IMPG1: variants seen among roughly 807,000 people sequenced by gnomAD.
IMPG1 encodes interphotoreceptor matrix proteoglycan 1.
In IMPG1, 85 loss-of-function variants were observed where a neutral mutation model predicts 92.0. The observed-to-expected ratio is 0.92, with a 90% CI of 0.78 to 1.11. IMPG1 has a LOEUF of 1.11. Among genes scored for constraint, IMPG1 ranks in the 50% least tolerant of loss-of-function variants. IMPG1 has a pLI of 0.00. For synonymous variants in IMPG1, 367 were observed against 334.1 expected (o/e 1.10, Z -1.08); for missense variants, 1,022 against 956.0 (o/e 1.07, Z -0.91).
chr6:76,021,936 C>T (rs1289816400), intron 6 of IMPG1, among the ~76,000 whole-genome samples, 180 bp downstream of exon 6: 1 of 151,462 alleles, frequency 6.6e-6, no homozygotes, highest in African/African-American at 2.4e-5. Flanking sequence ...TGCTTCCCCC[C>T]TCAGTACCTA....
At chr6:75,930,011 T>C (rs796547934) in intron 15 of IMPG1, among the ~76,000 whole-genome samples, 43 of 152,360 alleles carry the variant, frequency 2.8e-4, no homozygotes, top group African/African-American at 8.9e-4. Flanking sequence ...TTTGTCTTTA[T>C]TAATACATGT....
intron 4 of IMPG1, among the ~76,000 whole-genome samples, chr6:76,026,739 T>C (rs777740605): frequency 6.6e-6 from 1 of 152,226 alleles, no homozygotes; most frequent in Non-Finnish European, 1.5e-5. Context: ...CTCCACCCTG[T>C]CTGCAGTTAA....
At chr6:75,986,607 C>G (rs527465155) in intron 12 of IMPG1, among the ~76,000 whole-genome samples, 2 of 152,162 alleles carry the variant, frequency 1.3e-5, no homozygotes, top group South Asian at 4.1e-4. Context: ...TATAACTTGT[C>G]CTTATCAAGC....
intron 12 of IMPG1, among the ~76,000 whole-genome samples, chr6:75,956,101 G>A (rs1782115458): frequency 6.6e-6 from 1 of 152,124 alleles, no homozygotes; most frequent in East Asian, 1.9e-4. Context: ...TCAGGATGAT[G>A]CTAGCCTCAT....
intron 15 of IMPG1, among the ~76,000 whole-genome samples, chr6:75,929,495 A>G (rs1343789021): frequency 1.4e-5 from 2 of 146,156 alleles, no homozygotes; most frequent in Non-Finnish European, 3.0e-5. Context: ...TGGGAATTGA[A>G]CAATGAGAAC....
chr6:76,034,219 TA>T (rs1783696717), intron 4 of IMPG1, 95 bp downstream of exon 4: 1 of 1,174,506 alleles, frequency 8.5e-7, no homozygotes, highest in Non-Finnish European at 1.3e-6. Flanking sequence ...GTGGCTGACA[TA>T]AAATCCTACA....
intron 12 of IMPG1, among the ~76,000 whole-genome samples, chr6:75,987,778 G>A (rs1782743257): frequency 6.6e-6 from 1 of 151,716 alleles, no homozygotes; most frequent in Non-Finnish European, 1.5e-5. Context: ...CCGAGTAGCC[G>A]GGACTGCAGG....
intron 12 of IMPG1, among the ~76,000 whole-genome samples, chr6:75,963,771 A>G (rs1410030914): frequency 1.3e-5 from 2 of 152,192 alleles, no homozygotes; most frequent in Non-Finnish European, 2.9e-5. Flanking sequence ...CCTCATTTCC[A>G]GTAGCAGTAC....
intron 12 of IMPG1, among the ~76,000 whole-genome samples, chr6:75,993,215 A>G (rs1452871732): frequency 2.6e-5 from 4 of 152,104 alleles, no homozygotes; most frequent in African/African-American, 9.7e-5. Context: ...TTACCCCCAA[A>G]TTTAGGCCTC....
intron 12 of IMPG1, among the ~76,000 whole-genome samples, chr6:76,000,283 A>G (rs1318491169): frequency 6.6e-6 from 1 of 152,256 alleles, no homozygotes; most frequent in Non-Finnish European, 1.5e-5. Context: ...TGTGAAACTT[A>G]TAACACATAA....
intron 1 of IMPG1, among the ~76,000 whole-genome samples, chr6:76,046,678 C>T (rs74805605): frequency 0.011 from 1,599 of 152,182 alleles, 33 homozygotes; most frequent in African/African-American, 0.037. Flanking sequence ...AGTTTCTTCA[C>T]CTATAAAATG....
chr6:75,995,927 A>G (rs2149474684), intron 12 of IMPG1, among the ~76,000 whole-genome samples: 1 of 152,378 alleles, frequency 6.6e-6, no homozygotes, highest in African/African-American at 2.4e-5. Flanking sequence ...CATAAAGTAT[A>G]TCTGCCTTGT....
intron 12 of IMPG1, among the ~76,000 whole-genome samples, chr6:75,964,689 A>G (rs1782273857): frequency 6.6e-6 from 1 of 151,712 alleles, no homozygotes; most frequent in Non-Finnish European, 1.5e-5. Flanking sequence ...AAAAAAAAAA[A>G]AAAAAGAGAG....
intron 2 of IMPG1, among the ~76,000 whole-genome samples, chr6:76,037,166 T>C (rs1221849219): frequency 2.0e-5 from 3 of 152,176 alleles, no homozygotes; most frequent in Non-Finnish European, 4.4e-5. Flanking sequence ...ACGAGACCAA[T>C]CTGGAGACTC....
chr6:75,928,283 T>A (rs1023267730), intron 15 of IMPG1, among the ~76,000 whole-genome samples: 1 of 151,680 alleles, frequency 6.6e-6, no homozygotes, highest in South Asian at 2.1e-4. Context: ...CACTGCAACC[T>A]CCACCTCCTG....
chr6:76,049,793 A>G (rs768243661), intron 1 of IMPG1, among the ~76,000 whole-genome samples: 14 of 152,188 alleles, frequency 9.2e-5, no homozygotes, highest in Non-Finnish European at 7.3e-5. Flanking sequence ...GGTAGAAAGT[A>G]TTTAGGGGGG....
intron 1 of IMPG1, among the ~76,000 whole-genome samples, chr6:76,053,169 G>A (rs1264540681): frequency 6.6e-6 from 1 of 152,170 alleles, no homozygotes; most frequent in Non-Finnish European, 1.5e-5. Context: ...GTTTCAGAAT[G>A]TGGAGTTTAA....
At chr6:76,063,447 T>G (rs1784244209) in intron 1 of IMPG1, among the ~76,000 whole-genome samples, 1 of 151,946 alleles carries the variant, frequency 6.6e-6, no homozygotes. Flanking sequence ...AGCGGGAGTG[T>G]TTTTGTTTCT....
intron 12 of IMPG1, among the ~76,000 whole-genome samples, chr6:76,000,438 A>G (rs150557670): frequency 8.5e-5 from 13 of 152,160 alleles, no homozygotes; most frequent in African/African-American, 2.9e-4. Flanking sequence ...TTTTCTTTCC[A>G]TTCTTTAAAA....
Sources: gnomAD v4.1 joint callset for allele counts (sites outside exome capture counted in the v4.1 genomes callset) on GRCh38, gnomAD v4.1.1 for gene constraint, MANE v1.5 for transcripts, NCBI Gene and HGNC (gene_info 2026-07-23, HGNC 2026-07-21) for gene names.